Variants in R3HDM2 observed in about 807,000 individuals in gnomAD.
R3HDM2 encodes the protein R3H domain containing 2.
In R3HDM2, 38 loss-of-function variants were observed where a neutral mutation model predicts 124.5. That is an observed-to-expected ratio of 0.31 (90% CI 0.24 to 0.40). R3HDM2 has a LOEUF of 0.40. Ranked by LOEUF, R3HDM2 falls within the 10% of genes least tolerant of loss-of-function variation. The probability of loss-of-function intolerance (pLI) is 1.00; values close to 1 mark genes in which losing one functional copy is unlikely to be tolerated. For synonymous variants in R3HDM2, 391 were observed against 448.0 expected, an observed-to-expected ratio of 0.87 and a Z score of 1.61; for missense variants, 869 against 1,236.9, an observed-to-expected ratio of 0.70 and a Z score of 4.46.
chr12:57,305,049 G>C lies in R3HDM2; in HGVS notation c.166-1832C>G, dbSNP rs147080666. Among the ~76,000 whole-genome samples the C allele has an allele frequency of 2.0e-5, 3 of 152,260 alleles. No individual in the cohort carries two copies. The East Asian group carries it at 5.8e-4, about 29-fold the overall frequency. ...AAAATACCAAAATTAGCCAGGCGTG[G>C]TGGTGGGCACCTGTAATCCCAGCTA... On this transcript the variant is annotated intron_variant, in intron 3 of 23. Transcript: ENST00000402412.
chr12:57,326,041 G>A (rs566930865), intron 2 of R3HDM2, among the ~76,000 whole-genome samples: 1 of 152,038 alleles, frequency 6.6e-6, no homozygotes, highest in Admixed American at 6.6e-5. Context: ...CTTTGATGTC[G>A]CTGTTGTAAC....
Position 57,296,640 on chromosome 12 carries a change from G to A in R3HDM2, c.561-89C>T. 7.4e-7 allele frequency: 1 copy of A among 1,351,812 alleles called. No homozygotes were observed. The highest frequency in any genetic ancestry group is 1.0e-6 in the Non-Finnish European group (1 of 990,708). The allele number at this position is 1,351,812 out of a possible 1,614,324, so 83.7% of individuals were successfully genotyped here. The stretch of plus-strand genomic sequence containing the variant: ...AATTTTTCTTACAAGTGTCTAAAGT[G>A]GAAAGTTTCTTAGGAGAAATAGACA... On this transcript the variant is annotated intron_variant, in intron 8 of 23. Coordinates refer to ENST00000402412, the MANE Select transcript of R3HDM2 (RefSeq NM_001394031.1). The surrounding 1 kb of genome is among the most constrained non-coding windows in gnomAD (Gnocchi z 4.5).
intron 2 of R3HDM2, among the ~76,000 whole-genome samples, chr12:57,330,694 CTTTTTTTTTTTTT>C (rs10571548): frequency 1.4e-5 from 1 of 70,742 alleles, no homozygotes; most frequent in Admixed American, 1.9e-4. Context: ...TAGGGCTTTT[CTTTTTTTTTTTTT>C]TTTTTTTTTG....
At chr12:57,388,781 TG>T (rs2066254976) in intron 2 of R3HDM2, among the ~76,000 whole-genome samples, 1 of 151,894 alleles carries the variant, frequency 6.6e-6, no homozygotes, top group Non-Finnish European at 1.5e-5. Flanking sequence ...GGCTTCCATA[TG>T]GAGGGGGAAA....
chr12:57,279,847 A>G (rs1218523526), intron 14 of R3HDM2, among the ~76,000 whole-genome samples: 1 of 152,104 alleles, frequency 6.6e-6, no homozygotes, highest in Non-Finnish European at 1.5e-5. Flanking sequence ...TGAGTCATGG[A>G]AAACAAAGAC....
intron 2 of R3HDM2, among the ~76,000 whole-genome samples, chr12:57,391,016 TAAAA>T (rs1254447824): frequency 1.1e-5 from 1 of 90,356 alleles, no homozygotes. Flanking sequence ...CCGTCTCAAA[TAAAA>T]AAAAAAAAAA....
chr12:57,265,821 G>C (rs559214258), intron 19 of R3HDM2, among the ~76,000 whole-genome samples: 1 of 150,834 alleles, frequency 6.6e-6, no homozygotes, highest in South Asian at 2.1e-4. Context: ...TTTTGAGATG[G>C]AGTCTCGCTT....
chr12:57,303,049 G>T, intron 4 of R3HDM2, 127 bp downstream of exon 4: 1 of 818,998 alleles, frequency 1.2e-6, no homozygotes, highest in Non-Finnish European at 2.0e-6. Flanking sequence ...GTTCACAATT[G>T]GGGTACAGAG....
At chr12:57,430,573 G>A in intron 1 of R3HDM2, 147 bp downstream of exon 1, 8 of 983,802 alleles carry the variant, frequency 8.1e-6, no homozygotes, top group Middle Eastern at 5.2e-4. Context: ...GCGGCCATCC[G>A]ACCCTGACCC....
Position 57,337,793 on chromosome 12 carries a change from A to C in R3HDM2, c.-35-27330T>G, listed in dbSNP as rs547569587. On this transcript the variant is annotated intron_variant, in intron 2 of 23. Transcript: ENST00000402412. ...TGTTACCTCCCAATATGAAAGCCCC[A>C]GACTCGAATCATAGGAAGCTATCTT... 2.6e-5 allele frequency among the ~76,000 whole-genome samples: 4 copies of C among 152,314 alleles called. No homozygotes were observed. The South Asian group carries it at 8.3e-4, about 32-fold the overall frequency.
chr12:57,294,704 G>A (rs530479746), intron 10 of R3HDM2, among the ~76,000 whole-genome samples: 14 of 152,200 alleles, frequency 9.2e-5, no homozygotes, highest in Non-Finnish European at 1.5e-4. Flanking sequence ...TAGCTAACCC[G>A]CAAATAATCA....
At chr12:57,353,199 C>A (rs2060866026) in intron 2 of R3HDM2, among the ~76,000 whole-genome samples, 1 of 152,066 alleles carries the variant, frequency 6.6e-6, no homozygotes, top group East Asian at 1.9e-4. Context: ...AAATAAGCTA[C>A]AGACTGCAAG....
intron 7 of R3HDM2, 100 bp from the exon 8 acceptor site, chr12:57,297,487 A>C (rs1346035360): frequency 1.4e-6 from 1 of 697,862 alleles, no homozygotes; most frequent in Non-Finnish European, 2.4e-6. Flanking sequence ...TCATTACAGA[A>C]GCTGAAAAAG....
intron 13 of R3HDM2, 112 bp downstream of exon 13, chr12:57,283,712 C>T (rs915828440): frequency 1.9e-6 from 2 of 1,076,990 alleles, no homozygotes; most frequent in East Asian, 2.4e-5. Flanking sequence ...GCATTCCAGC[C>T]TGGGCAACAG....
At chr12:57,404,512 A>G (rs1399218571) in intron 1 of R3HDM2, among the ~76,000 whole-genome samples, 1 of 151,752 alleles carries the variant, frequency 6.6e-6, no homozygotes, top group African/African-American at 2.4e-5. Flanking sequence ...CCTGGCCAAC[A>G]TGGTGAAACC....
intron 2 of R3HDM2, among the ~76,000 whole-genome samples, chr12:57,360,002 A>T (rs994413794): frequency 4.8e-5 from 5 of 104,970 alleles, no homozygotes; most frequent in Admixed American, 1.1e-4. Context: ...TAAATAAATA[A>T]ATAAATATAT....
intron 1 of R3HDM2, among the ~76,000 whole-genome samples, chr12:57,403,907 C>T (rs2068276788): frequency 6.6e-6 from 1 of 151,804 alleles, no homozygotes; most frequent in East Asian, 1.9e-4. Flanking sequence ...CCAATTCAAA[C>T]AGTAAATCCA....
At chr12:57,353,588 T>A (rs1382277577) in intron 2 of R3HDM2, among the ~76,000 whole-genome samples, 1 of 152,172 alleles carries the variant, frequency 6.6e-6, no homozygotes, top group Non-Finnish European at 1.5e-5. Context: ...TATTTATTTT[T>A]ATTTTTTTTA....
chr12:57,296,339 CCTACACCTTCCT>C lies in R3HDM2; in HGVS notation c.701+60_701+71del. On this transcript the variant is annotated intron_variant, in intron 9 of 23. Coordinates refer to ENST00000402412, the MANE Select transcript of R3HDM2 (RefSeq NM_001394031.1). The surrounding 1 kb of genome is among the most constrained non-coding windows in gnomAD (Gnocchi z 4.5). Reference sequence around the variant, plus strand: ...GGCCATCTGCAAGAGACATCCTGATCCTACACCTTCCTCTTCCAACCCAGCAGGTTATCCCAG... The same window carrying C: ...GGCCATCTGCAAGAGACATCCTGATCCTTCCAACCCAGCAGGTTATCCCAG... The C allele has an allele frequency of 6.6e-7, 1 of 1,507,808 alleles. No homozygotes were observed. The allele number at this position is 1,507,808 out of a possible 1,614,324, so 93.4% of individuals were successfully genotyped here. A position where few individuals can be genotyped will look rare whatever the true frequency, so the allele number is the denominator to read the frequency against.
Sources: gnomAD v4.1 joint callset for allele counts (sites outside exome capture counted in the v4.1 genomes callset) on GRCh38, gnomAD v4.1.1 for gene constraint, Gnocchi (gnomAD v3.1) non-coding constraint, MANE v1.5 for transcripts, NCBI Gene and HGNC (gene_info 2026-07-23, HGNC 2026-07-21) for gene names.